FLNB: variants seen among roughly 807,000 people sequenced by gnomAD.
The protein encoded by FLNB is filamin B.
In FLNB, 111 loss-of-function variants were observed where a neutral mutation model predicts 250.6. The ratio of observed to expected loss-of-function variants is 0.44; its 90% CI spans 0.38 to 0.52. FLNB has a LOEUF of 0.52. Among genes scored for constraint, FLNB ranks in the 20% least tolerant of loss-of-function variants. The pLI, the probability that FLNB is intolerant of heterozygous loss-of-function variation, is 0.00. For missense variants in FLNB, 2,869 were observed against 3,447.8 expected (o/e 0.83, Z 4.20); for synonymous variants, 1,302 against 1,372.1 (o/e 0.95, Z 1.13).
chr3:58,156,205 A>G, intron 41 of FLNB, 130 bp downstream of exon 41: 1 of 710,810 alleles, frequency 1.4e-6, no homozygotes. Context: ...GATGTCACCC[A>G]GTCACTGGGG....
chr3:58,136,161 G>C lies in FLNB; in HGVS notation c.4854G>C (p.Leu1618=). ...AGACGGGTGATGCCAGCAAGTGCCT[G>C]GCCACGGGTGAGTACAGGGCATCTC... The part of the protein sequence containing the change: ...ATQTGDASKC[L]ATGPGIASTV... Residue 1618 remains leucine (L), a synonymous_variant, in exon 28 of 46, where the codon CTG becomes CTC. Transcript: ENST00000295956. 6.2e-7 allele frequency: 1 copy of C among 1,614,184 alleles called. No homozygotes were observed. The highest frequency in any genetic ancestry group is 8.5e-7 in the Non-Finnish European group (1 of 1,180,034).
chr3:58,123,796 A>T, intron 21 of FLNB, 106 bp downstream of exon 21: 1 of 952,794 alleles, frequency 1.0e-6, no homozygotes. Flanking sequence ...GAGCCAGGTG[A>T]CATATAAGGC....
chr3:58,159,704 T>TGG lies in FLNB; in HGVS notation c.7021+23_7021+24dup. The TGG allele has an allele frequency of 1.9e-6, 3 of 1,611,684 alleles. No homozygotes were observed. The highest frequency in any genetic ancestry group is 2.5e-6 in the Non-Finnish European group (3 of 1,179,932). On this transcript the variant is annotated intron_variant, in intron 42 of 45. Coordinates refer to ENST00000295956, the MANE Select transcript of FLNB (RefSeq NM_001457.4). Reference sequence around the variant, plus strand: ...GGAGCCAGGTGAGCAGGAGGCCTGCTGGGGGGTCCCAGCACCAGCACTTTC... The same window carrying TGG: ...GGAGCCAGGTGAGCAGGAGGCCTGCTGGGGGGGGTCCCAGCACCAGCACTTTC...
chr3:58,032,251 A>G (rs2097132090), intron 1 of FLNB, among the ~76,000 whole-genome samples: 1 of 152,098 alleles, frequency 6.6e-6, no homozygotes, highest in African/African-American at 2.4e-5. Context: ...TGTTTTAAAG[A>G]CAAGTTTGGG....
intron 39 of FLNB, chr3:58,154,569 C>G: frequency 2.1e-6 from 1 of 487,318 alleles, no homozygotes; most frequent in East Asian, 3.9e-5. Flanking sequence ...AAAGACATGT[C>G]TTCAGAGGAC....
At chr3:58,077,415 C>A (rs548791165) in intron 2 of FLNB, 121 bp downstream of exon 2, 36 of 1,295,064 alleles carry the variant, frequency 2.8e-5, no homozygotes, top group Non-Finnish European at 3.8e-5. Flanking sequence ...CAGGTCTTAG[C>A]CCATTATAAG....
chr3:58,056,105 A>ATTT (rs781244971), intron 1 of FLNB, among the ~76,000 whole-genome samples: 49 of 128,730 alleles, frequency 3.8e-4, no homozygotes, highest in African/African-American at 1.8e-3. Context: ...TTATTTATTT[A>ATTT]TTTTTTTTTT....
At chr3:58,159,427 T>G in intron 41 of FLNB, 127 bp from the exon 42 acceptor site, 1 of 928,736 alleles carries the variant, frequency 1.1e-6, no homozygotes. Flanking sequence ...TGCCCTTTGT[T>G]GTCATATGTT....
intron 1 of FLNB, among the ~76,000 whole-genome samples, chr3:58,023,987 G>T (rs571042205): frequency 6.6e-6 from 1 of 152,350 alleles, no homozygotes; most frequent in African/African-American, 2.4e-5. Context: ...GCCTGACAAT[G>T]TACTTGGGCA....
intron 43 of FLNB, among the ~76,000 whole-genome samples, chr3:58,168,003 T>C (rs1364094079): frequency 1.3e-5 from 2 of 152,166 alleles, no homozygotes; most frequent in African/African-American, 4.8e-5. Flanking sequence ...AGGAGATGCT[T>C]GGCCTCCCTG....
Position 58,163,146 on chromosome 3 carries a change from T to C in FLNB, c.7022-8T>C. The C allele has an allele frequency of 1.2e-6, 2 of 1,614,090 alleles. No homozygotes were observed. Among genetic ancestry groups the C allele is most frequent in the Non-Finnish European group, 1.7e-6 (2 of 1,179,952 alleles). On this transcript the variant is annotated splice_region_variant and splice_polypyrimidine_tract_variant and intron_variant, in intron 42 of 45. Transcript: ENST00000295956. ...GATTTCACCCTGTGCCTTTGCTCAT[T>C]CTCCTAGATAAGTATGCTGTTCGCT... is the stretch of plus-strand genomic sequence containing the variant.
chr3:58,104,604 G>C (rs958441506), intron 10 of FLNB, among the ~76,000 whole-genome samples: 1 of 152,112 alleles, frequency 6.6e-6, no homozygotes, highest in Non-Finnish European at 1.5e-5. Context: ...AGTTAGCCTT[G>C]AGAAATATTT....
At chr3:58,036,869 C>T (rs1412318816) in intron 1 of FLNB, among the ~76,000 whole-genome samples, 1 of 152,146 alleles carries the variant, frequency 6.6e-6, no homozygotes, top group Non-Finnish European at 1.5e-5. Context: ...TCGGTTAGGT[C>T]TGACCTCTTT....
intron 1 of FLNB, among the ~76,000 whole-genome samples, chr3:58,069,697 G>C (rs2097191289): frequency 6.6e-6 from 1 of 152,110 alleles, no homozygotes; most frequent in Non-Finnish European, 1.5e-5. Context: ...TGTCCTTCTT[G>C]CAGAGATCTC....
intron 4 of FLNB, among the ~76,000 whole-genome samples, chr3:58,084,531 A>G (rs1490644089): frequency 6.6e-6 from 1 of 151,246 alleles, no homozygotes. Flanking sequence ...AGTGTGGTGC[A>G]CTTGTAGAGG....
intron 1 of FLNB, among the ~76,000 whole-genome samples, chr3:58,026,380 G>A (rs2097123639): frequency 6.6e-6 from 1 of 152,134 alleles, no homozygotes. Context: ...TGGTGGGGCT[G>A]CCTGCCATCT....
At chr3:58,089,930 G>C (rs1037124765) in intron 4 of FLNB, among the ~76,000 whole-genome samples, 4 of 151,970 alleles carry the variant, frequency 2.6e-5, no homozygotes, top group African/African-American at 9.7e-5. Flanking sequence ...GGGCTTACAG[G>C]TGCCCACCAC....
At chr3:58,130,174 G>A (rs1168971296) in intron 24 of FLNB, among the ~76,000 whole-genome samples, 1 of 152,100 alleles carries the variant, frequency 6.6e-6, no homozygotes, top group Non-Finnish European at 1.5e-5. Flanking sequence ...CATGTGTGGG[G>A]GACAGGGCTG....
At chr3:58,129,886 T>C (rs3772991) in intron 24 of FLNB, among the ~76,000 whole-genome samples, 59,516 of 152,036 alleles carry the variant, frequency 0.39, 14,074 homozygotes, top group East Asian at 0.91. Context: ...AGTCCATGAG[T>C]GTCCTTGGCC....
Sources: allele counts gnomAD v4.1 joint callset (sites outside exome capture counted in the v4.1 genomes callset), GRCh38; gene constraint gnomAD v4.1.1; transcripts MANE v1.5; gene names NCBI Gene and HGNC (gene_info 2026-07-23, HGNC 2026-07-21).